ATP8B4: variants seen among roughly 807,000 people sequenced by gnomAD.
ATP8B4 encodes the protein ATPase phospholipid transporting 8B4 (putative).
In ATP8B4, 133 loss-of-function variants were observed where a neutral mutation model predicts 145.6. The observed-to-expected ratio is 0.91, with a 90% CI of 0.79 to 1.05. ATP8B4 has a LOEUF of 1.05. ATP8B4 is among the 50% of genes least tolerant of loss of function. ATP8B4 has a pLI of 0.00. For synonymous variants in ATP8B4, 507 were observed against 492.9 expected, an observed-to-expected ratio of 1.03 and a Z score of -0.38; for missense variants, 1,458 against 1,425.2, an observed-to-expected ratio of 1.02 and a Z score of -0.37.
chr15:49,979,913 G>A, intron 11 of ATP8B4, 100 bp from the exon 12 acceptor site: 1 of 821,090 alleles, frequency 1.2e-6, no homozygotes, highest in South Asian at 2.5e-5. Flanking sequence ...ATAGTCATTT[G>A]AAAAGCAAGT....
At position 49,914,413 on chromosome 15, in the gene ATP8B4, T is replaced by C. The variant is rs142019701; in HGVS notation, c.2141+2521A>G. ...AGGGAAAACAACTTCCAGACACTGG[T>C]CTCTAGGCAATGATTTTACGGCTAA... On this transcript the variant is annotated intron_variant, in intron 20 of 27. Transcript: ENST00000284509. Among the ~76,000 whole-genome samples, 160 of 151,960 alleles carry C rather than the reference T, an allele frequency of 1.1e-3. 6 individuals carry two copies. The East Asian group carries it at 0.027, about 25-fold the overall frequency.
intron 3 of ATP8B4, among the ~76,000 whole-genome samples, chr15:50,054,805 AAAAAC>A (rs1567274533): frequency 5.0e-5 from 7 of 138,826 alleles, no homozygotes; most frequent in East Asian, 2.0e-4. Context: ...AAAAAAAAAA[AAAAAC>A]AAAAAAAAAA....
chr15:50,140,066 CA>C (rs1302120041), intron 1 of ATP8B4, among the ~76,000 whole-genome samples: 1 of 152,094 alleles, frequency 6.6e-6, no homozygotes, highest in East Asian at 1.9e-4. Flanking sequence ...ATATTGGGTA[CA>C]GTGTGCACTA....
chr15:49,918,895 A>G lies in ATP8B4; in HGVS notation c.1979T>C (p.Val660Ala). Residue 660 changes from valine (V) to alanine (A), a missense_variant, in exon 19 of 28, where the codon GTT (valine) becomes GCT (alanine). Coordinates refer to ENST00000284509, the MANE Select transcript of ATP8B4 (RefSeq NM_024837.4). ...DKLQEGVIETVTSLSLANIKI... is the reference protein window; with the variant it reads ...DKLQEGVIETATSLSLANIKI... ...AATATTGGCTAGTGATAAACTTGTA[A>G]CTGTTTCAATAACACCCTCCTGTAA... is the stretch of plus-strand genomic sequence containing the variant. 6.2e-7 allele frequency: 1 copy of G among 1,613,788 alleles called. No homozygotes were observed. Among genetic ancestry groups the G allele is most frequent in the Non-Finnish European group, 8.5e-7 (1 of 1,179,812 alleles).
At chr15:49,865,645 T>C (rs1411517327) in intron 26 of ATP8B4, among the ~76,000 whole-genome samples, 1 of 152,164 alleles carries the variant, frequency 6.6e-6, no homozygotes, top group Non-Finnish European at 1.5e-5. Flanking sequence ...AAACACCTCA[T>C]TGGTTGTTGG....
chr15:50,086,458 C>T (rs2055085491), intron 2 of ATP8B4, among the ~76,000 whole-genome samples: 1 of 45,716 alleles, frequency 2.2e-5, no homozygotes, highest in Non-Finnish European at 3.4e-5. Context: ...TAATAGAGAT[C>T]TATATTATTA....
chr15:50,067,926 T>A (rs2053489229), intron 3 of ATP8B4, among the ~76,000 whole-genome samples: 1 of 152,180 alleles, frequency 6.6e-6, no homozygotes, highest in Admixed American at 6.6e-5. Context: ...AGGTATGTTG[T>A]GAATATTAAA....
intron 13 of ATP8B4, among the ~76,000 whole-genome samples, chr15:49,970,778 T>G (rs138615891): frequency 6.6e-6 from 1 of 152,200 alleles, no homozygotes; most frequent in Non-Finnish European, 1.5e-5. Flanking sequence ...CTACTTTAAA[T>G]TTCATATGGA....
intron 1 of ATP8B4, among the ~76,000 whole-genome samples, chr15:50,112,156 A>G (rs1393828389): frequency 1.3e-5 from 2 of 152,160 alleles, no homozygotes; most frequent in African/African-American, 4.8e-5. Context: ...AGAGTGACAG[A>G]AAAGCAAAGG....
chr15:50,087,601 T>G (rs1248187768), intron 2 of ATP8B4, among the ~76,000 whole-genome samples: 1 of 151,842 alleles, frequency 6.6e-6, no homozygotes, highest in Non-Finnish European at 1.5e-5. Context: ...TGCATTAGAA[T>G]TCCTGTGCTT....
intron 1 of ATP8B4, among the ~76,000 whole-genome samples, chr15:50,179,092 T>C (rs536477669): frequency 6.6e-6 from 1 of 152,272 alleles, no homozygotes; most frequent in South Asian, 2.1e-4. Context: ...TTTAGGAGTG[T>C]GCAGACCAGA....
rs149403466 is a variant in ATP8B4, at chr15:49,866,771, G to A, written c.3028-287C>T. Among the ~76,000 whole-genome samples, 104 of 152,306 alleles carry A rather than the reference G, an allele frequency of 6.8e-4. 1 individual carries two copies. The highest frequency in any genetic ancestry group is 2.1e-3 in the African/African-American group (89 of 41,570). On this transcript the variant is annotated intron_variant, in intron 25 of 27. Coordinates refer to ENST00000284509, the MANE Select transcript of ATP8B4 (RefSeq NM_024837.4). The stretch of plus-strand genomic sequence containing the variant: ...GTTAAACATGTTAAACTTCTTTTAA[G>A]TGAGAAATATGAAAGCACAAGGGCT...
chr15:50,098,665 T>C (rs1471549893), intron 2 of ATP8B4, among the ~76,000 whole-genome samples: 1 of 152,080 alleles, frequency 6.6e-6, no homozygotes, highest in Non-Finnish European at 1.5e-5. Flanking sequence ...CTACTTTCTA[T>C]ATGTAGATTC....
chr15:49,977,027 G>A (rs11070740), intron 12 of ATP8B4, among the ~76,000 whole-genome samples: 19,236 of 152,046 alleles, frequency 0.13, 1,606 homozygotes, highest in East Asian at 0.34. Flanking sequence ...AAAAAAAACT[G>A]TAGCTGGGTA....
intron 3 of ATP8B4, among the ~76,000 whole-genome samples, chr15:50,066,788 T>C (rs1325475302): frequency 2.0e-5 from 3 of 152,188 alleles, no homozygotes; most frequent in Non-Finnish European, 4.4e-5. Context: ...TTTCTTTTTT[T>C]TACAGTTTGT....
At chr15:50,016,097 A>C (rs1350549204) in intron 6 of ATP8B4, among the ~76,000 whole-genome samples, 1 of 152,226 alleles carries the variant, frequency 6.6e-6, no homozygotes, top group Non-Finnish European at 1.5e-5. Context: ...AGAAATAGAC[A>C]CACAATTTAG....
At chr15:49,983,518 T>TAG (rs2046334159) in intron 10 of ATP8B4, among the ~76,000 whole-genome samples, 10 of 152,284 alleles carry the variant, frequency 6.6e-5, no homozygotes, top group Admixed American at 5.9e-4. Flanking sequence ...CCATCACCTC[T>TAG]CAACTGTGAA....
At chr15:50,072,832 G>C (rs1012418644) in intron 3 of ATP8B4, among the ~76,000 whole-genome samples, 1 of 149,194 alleles carries the variant, frequency 6.7e-6, no homozygotes, top group Non-Finnish European at 1.5e-5. Flanking sequence ...ATATTGGCCA[G>C]GCTGGTCTCG....
chr15:50,043,858 CAGG>C (rs2051506655), intron 5 of ATP8B4, among the ~76,000 whole-genome samples: 1 of 149,720 alleles, frequency 6.7e-6, no homozygotes, highest in Non-Finnish European at 1.5e-5. Flanking sequence ...GAGGCTGAGG[CAGG>C]AGAATGGCGT....
Sources: allele counts gnomAD v4.1 joint callset (sites outside exome capture counted in the v4.1 genomes callset), GRCh38; gene constraint gnomAD v4.1.1; transcripts MANE v1.5; gene names NCBI Gene and HGNC (gene_info 2026-07-23, HGNC 2026-07-21).